MAPKAP1: variants seen among roughly 807,000 people sequenced by gnomAD.
The protein encoded by MAPKAP1 is MAPK associated protein 1, also known as target of rapamycin complex 2 subunit MAPKAP1.
In MAPKAP1, 20 loss-of-function variants were observed where a neutral mutation model predicts 65.7. That is an observed-to-expected ratio of 0.30 (90% CI 0.21 to 0.44). MAPKAP1 has a LOEUF of 0.44. MAPKAP1 is among the 20% of genes least tolerant of loss of function. MAPKAP1 has a pLI of 1.00. For missense variants in MAPKAP1, 423 were observed against 648.0 expected (o/e 0.65, Z 3.77); for synonymous variants, 222 against 244.3 (o/e 0.91, Z 0.85).
intron 1 of MAPKAP1, among the ~76,000 whole-genome samples, chr9:125,689,213 G>A (rs1245002853): frequency 8.7e-5 from 13 of 150,152 alleles, no homozygotes; most frequent in African/African-American, 2.5e-4. Context: ...CGAGGTGGGC[G>A]GATCACGAAG....
intron 7 of MAPKAP1, chr9:125,521,756 T>C (rs758864103): frequency 1.2e-6 from 2 of 1,612,772 alleles, no homozygotes; most frequent in South Asian, 2.2e-5. Flanking sequence ...GTGAATTTAG[T>C]CACAAGCACC....
intron 10 of MAPKAP1, among the ~76,000 whole-genome samples, chr9:125,451,415 C>G (rs1032771253): frequency 6.6e-6 from 1 of 152,222 alleles, no homozygotes; most frequent in African/African-American, 2.4e-5. Flanking sequence ...AGCACCTCCT[C>G]TAACTACGTT....
At chr9:125,460,872 G>GCAGAATTA (rs1853469283) in intron 10 of MAPKAP1, among the ~76,000 whole-genome samples, 1 of 152,186 alleles carries the variant, frequency 6.6e-6, no homozygotes, top group Non-Finnish European at 1.5e-5. Flanking sequence ...TTGTGCCTAG[G>GCAGAATTA]CAGAATTAGA....
intron 1 of MAPKAP1, among the ~76,000 whole-genome samples, chr9:125,700,658 A>C (rs1835567701): frequency 6.6e-6 from 1 of 152,224 alleles, no homozygotes; most frequent in Non-Finnish European, 1.5e-5. Flanking sequence ...TCCCCAATAT[A>C]TCTAGACTGC....
At chr9:125,687,643 G>A (rs1835024500) in intron 1 of MAPKAP1, among the ~76,000 whole-genome samples, 1 of 151,248 alleles carries the variant, frequency 6.6e-6, no homozygotes, top group African/African-American at 2.4e-5. Flanking sequence ...AAATTAACCA[G>A]GCATGGGGGC....
At chr9:125,547,831 C>T (rs1401041833) in intron 6 of MAPKAP1, among the ~76,000 whole-genome samples, 2 of 152,240 alleles carry the variant, frequency 1.3e-5, no homozygotes, top group African/African-American at 4.8e-5. Flanking sequence ...GTTTTCAAAA[C>T]TTTCCTTTTT....
At chr9:125,543,565 C>T (rs1830323540) in intron 6 of MAPKAP1, among the ~76,000 whole-genome samples, 1 of 152,122 alleles carries the variant, frequency 6.6e-6, no homozygotes, top group South Asian at 2.1e-4. Flanking sequence ...CATGAGCCAC[C>T]GCGCCCGGCC....
rs1832138349 is a variant in MAPKAP1 at position 125,596,762 on chromosome 9, T to G, written c.499-11035A>C. 10 of 483,212 alleles carry G rather than the reference T, an allele frequency of 2.1e-5. 1 individual carries two copies. Among genetic ancestry groups the G allele is most frequent in the South Asian group, 1.6e-4 (10 of 63,776 alleles). 29.9% of individuals were successfully genotyped at this position (483,212 alleles called of 1,614,324 possible). ...CCTAGCTGCTACAAAGAAGACATGT[T>G]TTAGACAAATACTCATGTGTATGGG... On this transcript the variant is annotated intron_variant, in intron 4 of 11. Coordinates refer to ENST00000265960, the MANE Select transcript of MAPKAP1 (RefSeq NM_001006617.3).
intron 1 of MAPKAP1, among the ~76,000 whole-genome samples, chr9:125,682,081 GA>G (rs34775695): frequency 1.3e-5 from 2 of 151,226 alleles, no homozygotes; most frequent in African/African-American, 4.9e-5. Flanking sequence ...GTTTTAACAG[GA>G]AAAAAAAATG....
intron 6 of MAPKAP1, among the ~76,000 whole-genome samples, chr9:125,554,033 T>C (rs1459224308): frequency 1.3e-5 from 2 of 151,888 alleles, no homozygotes; most frequent in Admixed American, 6.5e-5. Context: ...CAATACCCTA[T>C]CTCAAAAAAA....
chr9:125,595,831 G>A lies in MAPKAP1; in HGVS notation c.499-10104C>T, dbSNP rs1564574761. ...AAGATTCCAACACCAAGCGTTCCGGGGGTTTTGGGTTTGTCACCTATGCCA... is the reference window on the plus strand; with the variant it reads ...AAGATTCCAACACCAAGCGTTCCGGAGGTTTTGGGTTTGTCACCTATGCCA... On this transcript the variant is annotated intron_variant, in intron 4 of 11. Coordinates refer to ENST00000265960, the MANE Select transcript of MAPKAP1 (RefSeq NM_001006617.3). This position sits in a 1 kb window ranked among gnomAD's most constrained non-coding sequence, Gnocchi z 4.0. The A allele has an allele frequency of 2.7e-6, 3 of 1,118,122 alleles. No homozygotes were observed. Among genetic ancestry groups the A allele is most frequent in the Middle Eastern group, 2.8e-4 (1 of 3,534 alleles). 69.3% of individuals were successfully genotyped at this position (1,118,122 alleles called of 1,614,324 possible). A position where few individuals can be genotyped will look rare whatever the true frequency, so the allele number is the denominator to read the frequency against.
intron 4 of MAPKAP1, among the ~76,000 whole-genome samples, chr9:125,656,514 C>T (rs1222308950): frequency 3.3e-5 from 5 of 152,064 alleles, no homozygotes; most frequent in African/African-American, 7.2e-5. Flanking sequence ...CCTCATGTGC[C>T]AGTGGCCATA....
chr9:125,622,629 A>C (rs889502065), intron 4 of MAPKAP1, among the ~76,000 whole-genome samples: 1 of 151,936 alleles, frequency 6.6e-6, no homozygotes, highest in African/African-American at 2.4e-5. Context: ...TATTTTTAGT[A>C]GAGAAAGGGT....
Position 125,501,118 on chromosome 9 carries a change from T to C in MAPKAP1, c.1066+5192A>G, listed in dbSNP as rs548055220. On this transcript the variant is annotated intron_variant, in intron 8 of 11. Transcript: ENST00000265960. Reference sequence around the variant, plus strand: ...ATCTATGTAGACTTGCCCTTATTTCTTGTTTGCTTTTCCTTCTTAGAAAGT... The same window carrying C: ...ATCTATGTAGACTTGCCCTTATTTCCTGTTTGCTTTTCCTTCTTAGAAAGT... Among the ~76,000 whole-genome samples the C allele has an allele frequency of 4.6e-5, 7 of 152,326 alleles. No individual in the cohort carries two copies. In the South Asian group the frequency reaches 1.4e-3, roughly 32 times the overall value.
chr9:125,483,784 C>A (rs1350209985), intron 9 of MAPKAP1, among the ~76,000 whole-genome samples: 2 of 152,142 alleles, frequency 1.3e-5, no homozygotes, highest in Non-Finnish European at 2.9e-5. Context: ...AAAAATACCC[C>A]ACCTTTTAGG....
intron 5 of MAPKAP1, among the ~76,000 whole-genome samples, chr9:125,571,005 A>G (rs1330327932): frequency 6.6e-6 from 1 of 152,172 alleles, no homozygotes; most frequent in Non-Finnish European, 1.5e-5. Flanking sequence ...AAATATGTCT[A>G]AAAGATTTTA....
intron 10 of MAPKAP1, among the ~76,000 whole-genome samples, chr9:125,463,182 C>T (rs554799479): frequency 6.6e-6 from 1 of 152,360 alleles, no homozygotes; most frequent in Non-Finnish European, 1.5e-5. Context: ...CGTTAACATT[C>T]TCTTAAGCCC....
chr9:125,647,760 G>A (rs978934681), intron 4 of MAPKAP1, among the ~76,000 whole-genome samples: 6 of 152,158 alleles, frequency 3.9e-5, no homozygotes, highest in African/African-American at 1.4e-4. Context: ...TGCAATAAAT[G>A]TTTGAAATGA....
intron 1 of MAPKAP1, among the ~76,000 whole-genome samples, chr9:125,689,436 G>GGA (rs1427465442): frequency 3.3e-4 from 5 of 15,270 alleles, no homozygotes; most frequent in African/African-American, 8.5e-4. Flanking sequence ...CTCCATCTCG[G>GGA]AAAAAAAAAA....
Sources: gnomAD v4.1 joint callset for allele counts (sites outside exome capture counted in the v4.1 genomes callset) on GRCh38, gnomAD v4.1.1 for gene constraint, Gnocchi (gnomAD v3.1) non-coding constraint, MANE v1.5 for transcripts, NCBI Gene and HGNC (gene_info 2026-07-23, HGNC 2026-07-21) for gene names.